SEPTIN6: variants seen among roughly 807,000 people sequenced by gnomAD.
The protein encoded by SEPTIN6 is septin 6, also known as septin-6.
A neutral mutation model predicts 33.6 loss-of-function variants in SEPTIN6; 8 were observed. The ratio of observed to expected loss-of-function variants is 0.24; its 90% CI spans 0.14 to 0.43. The LOEUF is 0.43. SEPTIN6 is among the 20% of genes least tolerant of loss of function. The probability of loss-of-function intolerance (pLI) is 1.00; values close to 1 mark genes in which losing one functional copy is unlikely to be tolerated. For synonymous variants in SEPTIN6, 131 were observed against 140.0 expected (o/e 0.94, Z 0.45); for missense variants, 250 against 340.8 (o/e 0.73, Z 2.10).
chrX:119,690,658 G>T (rs2055154670), intron 1 of SEPTIN6, among the ~76,000 whole-genome samples: 1 of 103,074 alleles, frequency 9.7e-6, no homozygotes, highest in Admixed American at 1.1e-4. Flanking sequence ...GGGAGGCTGA[G>T]GTTGCAGTGA....
chrX:119,617,821 A>G lies in SEPTIN6; in HGVS notation c.*2272T>C. 1 of 800,994 alleles carries G rather than the reference A, an allele frequency of 1.2e-6. No homozygotes were observed. The highest frequency in any genetic ancestry group is 1.5e-6 in the Non-Finnish European group (1 of 666,597). The allele number at this position is 800,994 out of a possible 1,213,427, so 66.0% of individuals were successfully genotyped here. A position where few individuals can be genotyped will look rare whatever the true frequency, so the allele number is the denominator to read the frequency against. On this transcript the variant is annotated 3_prime_UTR_variant, in exon 11 of 11. Coordinates refer to ENST00000394610, the MANE Select transcript of SEPTIN6 (RefSeq NM_145799.4). ...AGTAGGTTATATCGTCTTACTGACT[A>G]AAATGTCTCCCTTAATATAAAACTC...
intron 5 of SEPTIN6, among the ~76,000 whole-genome samples, chrX:119,648,879 G>T (rs2054307406): frequency 8.9e-6 from 1 of 111,740 alleles, no homozygotes; most frequent in African/African-American, 3.3e-5. Context: ...AAAGAAATCT[G>T]TTCCTAAAGC....
intron 8 of SEPTIN6, among the ~76,000 whole-genome samples, chrX:119,632,258 C>T (rs1332488803): frequency 5.5e-5 from 6 of 108,795 alleles, no homozygotes; most frequent in African/African-American, 1.7e-4. Flanking sequence ...TACAGTGGCG[C>T]GATCTCGGCT....
chrX:119,651,361 T>A (rs2054348977), intron 4 of SEPTIN6, among the ~76,000 whole-genome samples: 2 of 111,938 alleles, frequency 1.8e-5, no homozygotes, highest in Admixed American at 1.9e-4. Flanking sequence ...TTTCGCCAAG[T>A]CCCCATTGAC....
chrX:119,679,582 G>C (rs752207003), intron 1 of SEPTIN6, among the ~76,000 whole-genome samples: 3 of 111,595 alleles, frequency 2.7e-5, no homozygotes, highest in East Asian at 5.7e-4. Flanking sequence ...AGCCTCTGCC[G>C]GGAGCAGTGG....
chrX:119,668,160 G>T (rs771362430), intron 2 of SEPTIN6, among the ~76,000 whole-genome samples: 15 of 110,161 alleles, frequency 1.4e-4, no homozygotes, highest in Middle Eastern at 4.6e-3. Context: ...GCCGTGCATG[G>T]TGGCAGGCTC....
chrX:119,665,103 CTTTTTTTT>C (rs779678789), intron 2 of SEPTIN6, among the ~76,000 whole-genome samples: 2 of 91,773 alleles, frequency 2.2e-5, no homozygotes, highest in Admixed American at 1.2e-4. Flanking sequence ...TCTTCTTCTT[CTTTTTTTT>C]TTTTTTTTTT....
intron 5 of SEPTIN6, among the ~76,000 whole-genome samples, chrX:119,647,560 C>T (rs58385862): frequency 1.1e-4 from 11 of 98,931 alleles, no homozygotes; most frequent in Non-Finnish European, 2.2e-4. Context: ...CAGGGTTCAC[C>T]GCAGCCTCAA....
At chrX:119,685,209 C>G (rs1332120629) in intron 1 of SEPTIN6, among the ~76,000 whole-genome samples, 1 of 112,024 alleles carries the variant, frequency 8.9e-6, no homozygotes, top group East Asian at 2.8e-4. Context: ...ATTCAATAGA[C>G]AAACATTCAG....
intron 3 of SEPTIN6, among the ~76,000 whole-genome samples, chrX:119,656,891 A>G (rs964050840): frequency 9.3e-6 from 1 of 108,003 alleles, no homozygotes; most frequent in African/African-American, 3.4e-5. Flanking sequence ...GTCTCAAAAA[A>G]TAATTAAATA....
At chrX:119,633,562 A>T (rs1309960562) in intron 7 of SEPTIN6, 70 bp from the exon 8 acceptor site, 1 of 1,118,670 alleles carries the variant, frequency 8.9e-7, no homozygotes, top group African/African-American at 1.8e-5. Flanking sequence ...GGCCCCAAAG[A>T]TCCTCACTGG....
At chrX:119,678,928 G>A (rs1299155538) in intron 1 of SEPTIN6, among the ~76,000 whole-genome samples, 2 of 111,046 alleles carry the variant, frequency 1.8e-5, no homozygotes, top group Non-Finnish European at 1.9e-5. Context: ...AGCCCTAAAC[G>A]GCAGAAGAAA....
chrX:119,631,371 G>A (rs1247327019), intron 8 of SEPTIN6, among the ~76,000 whole-genome samples: 2 of 104,058 alleles, frequency 1.9e-5, no homozygotes, highest in Non-Finnish European at 3.9e-5. Flanking sequence ...TAGTAGAGAC[G>A]GGGTTTCACT....
At position 119,618,689 on chromosome X, in the gene SEPTIN6, A is replaced by G; in HGVS notation, c.*1404T>C. On this transcript the variant is annotated 3_prime_UTR_variant, in exon 11 of 11. Coordinates refer to ENST00000394610, the MANE Select transcript of SEPTIN6 (RefSeq NM_145799.4). ...GCCTCGCTGCCTGGCACCCCAAAGGAAAGCTGTCAGTTAAAATAGGAACCT... is the reference window on the plus strand; with the variant it reads ...GCCTCGCTGCCTGGCACCCCAAAGGGAAGCTGTCAGTTAAAATAGGAACCT... 1 of 1,198,756 alleles carries G rather than the reference A, an allele frequency of 8.3e-7. No homozygotes were observed. Among genetic ancestry groups the G allele is most frequent in the South Asian group, 1.8e-5 (1 of 54,372 alleles).
chrX:119,621,993 G>A (rs1027194382), intron 10 of SEPTIN6, among the ~76,000 whole-genome samples: 15 of 109,305 alleles, frequency 1.4e-4, no homozygotes, highest in Non-Finnish European at 2.7e-4. Context: ...TCACAGACCT[G>A]TTGTAAGTAT....
chrX:119,619,793 G>A lies in SEPTIN6; in HGVS notation c.*300C>T, dbSNP rs2053718056. The A allele has an allele frequency of 9.7e-7, 1 of 1,031,290 alleles. No individual in the cohort carries two copies. The highest frequency in any genetic ancestry group is 1.2e-6 in the Non-Finnish European group (1 of 805,581). The allele number at this position is 1,031,290 out of a possible 1,213,427, so 85.0% of individuals were successfully genotyped here. A position where few individuals can be genotyped will look rare whatever the true frequency, so the allele number is the denominator to read the frequency against. On this transcript the variant is annotated 3_prime_UTR_variant, in exon 11 of 11. Coordinates refer to ENST00000394610, the MANE Select transcript of SEPTIN6 (RefSeq NM_145799.4). ...ATGTCACACCTCTGGCAAAGATGTG[G>A]GGGAAGACAGGGGGGATGGCTGGGG...
At chrX:119,625,583 C>A (rs1421035257) in intron 9 of SEPTIN6, among the ~76,000 whole-genome samples, 1 of 106,772 alleles carries the variant, frequency 9.4e-6, no homozygotes, top group African/African-American at 3.4e-5. Context: ...CTCTCTGTTG[C>A]CCAGACTGGA....
chrX:119,624,141 TG>T (rs1286593570), intron 10 of SEPTIN6: 94 of 219,295 alleles, frequency 4.3e-4, no homozygotes, highest in East Asian at 3.3e-3. Flanking sequence ...GCTTTTATTA[TG>T]GGTTTTTTTT....
intron 6 of SEPTIN6, among the ~76,000 whole-genome samples, chrX:119,637,614 CATCT>C (rs1399251147): frequency 1.9e-5 from 2 of 106,397 alleles, no homozygotes; most frequent in African/African-American, 3.4e-5. Flanking sequence ...TCCATCCATC[CATCT>C]ATCCATCCAT....
Sources: gnomAD v4.1 joint callset for allele counts (sites outside exome capture counted in the v4.1 genomes callset) on GRCh38, gnomAD v4.1.1 for gene constraint, MANE v1.5 for transcripts, NCBI Gene and HGNC (gene_info 2026-07-23, HGNC 2026-07-21) for gene names.